Variants in SLC24A2 observed in about 807,000 individuals in gnomAD.
SLC24A2 encodes the protein sodium/potassium/calcium exchanger 2.
Under a neutral mutation model 62.0 loss-of-function variants are expected in SLC24A2, and 36 were observed. The observed-to-expected ratio is 0.58, with a 90% CI of 0.44 to 0.77. The LOEUF is 0.77. SLC24A2 is among the 30% of genes least tolerant of loss of function. SLC24A2 has a pLI of 0.00. For synonymous variants in SLC24A2, 358 were observed against 294.0 expected, an observed-to-expected ratio of 1.22 and a Z score of -2.23; for missense variants, 846 against 817.9, an observed-to-expected ratio of 1.03 and a Z score of -0.42.
chr9:20,285,080 C>G, the SLC24A2 span, among the ~76,000 whole-genome samples: 2 of 152,120 alleles, frequency 1.3e-5, no homozygotes, highest in Non-Finnish European at 2.9e-5. Flanking sequence ...TAGGCCAGAG[C>G]TAGCAGGGTG....
the SLC24A2 span, among the ~76,000 whole-genome samples, chr9:19,925,620 A>G: frequency 1.3e-5 from 2 of 152,210 alleles, no homozygotes; most frequent in Non-Finnish European, 2.9e-5. Context: ...TCTGCAGAAA[A>G]AAAAATTGAC....
rs376363998 is a variant in SLC24A2 at position 19,751,530 on chromosome 9, G to T, written c.930+34407C>A. ...CCCAGGTGATTTTACTGTGCAGCCA[G>T]CCTTGAGAACCACTGATCTCAAGTT... On this transcript the variant is annotated intron_variant, in intron 2 of 10. Transcript: ENST00000341998. Among the ~76,000 whole-genome samples the T allele has an allele frequency of 4.6e-5, 7 of 152,282 alleles. No homozygotes were observed. In the East Asian group the frequency reaches 5.8e-4, roughly 13 times the overall value.
intron 2 of SLC24A2, among the ~76,000 whole-genome samples, chr9:19,707,193 A>G (rs1247492576): frequency 6.6e-6 from 1 of 152,060 alleles, no homozygotes; most frequent in African/African-American, 2.4e-5. Context: ...ACACCCTCCC[A>G]AGACTAAACC....
chr9:19,747,929 T>C (rs1227908827), intron 2 of SLC24A2, among the ~76,000 whole-genome samples: 2 of 152,172 alleles, frequency 1.3e-5, no homozygotes, highest in African/African-American at 4.8e-5. Flanking sequence ...GTTAATAAAC[T>C]GCCAGAGATC....
chr9:19,944,255 A>C, the SLC24A2 span, among the ~76,000 whole-genome samples: 6 of 152,174 alleles, frequency 3.9e-5, no homozygotes, highest in African/African-American at 1.4e-4. Context: ...TCCAGCAAAA[A>C]GTCTTAGTAG....
chr9:19,614,897 A>C (rs1268140290), intron 4 of SLC24A2, among the ~76,000 whole-genome samples: 1 of 151,992 alleles, frequency 6.6e-6, no homozygotes, highest in East Asian at 1.9e-4. Flanking sequence ...CCATCAAATG[A>C]CCTCCAATGA....
At chr9:19,738,745 T>C (rs551110664) in intron 2 of SLC24A2, among the ~76,000 whole-genome samples, 23 of 152,306 alleles carry the variant, frequency 1.5e-4, no homozygotes, top group African/African-American at 5.3e-4. Context: ...AAATTCTCAG[T>C]AAATCAATTA....
chr9:19,546,256 C>T (rs1834560125), intron 8 of SLC24A2, among the ~76,000 whole-genome samples: 1 of 152,226 alleles, frequency 6.6e-6, no homozygotes, highest in Non-Finnish European at 1.5e-5. Context: ...AGCCAGTAGG[C>T]AGGGACGTTT....
chr9:19,847,236 C>A, the SLC24A2 span, among the ~76,000 whole-genome samples: 11,643 of 152,182 alleles, frequency 0.077, 612 homozygotes, highest in East Asian at 0.23. Context: ...AATAAAACTT[C>A]TGTTTATTTG....
chr9:19,670,265 G>T (rs929487598), intron 2 of SLC24A2, among the ~76,000 whole-genome samples: 1 of 152,212 alleles, frequency 6.6e-6, no homozygotes, highest in East Asian at 1.9e-4. Flanking sequence ...CATCTAGCCT[G>T]GGTTATTCCT....
the SLC24A2 span, among the ~76,000 whole-genome samples, chr9:20,236,145 C>A: frequency 2.6e-5 from 4 of 152,200 alleles, no homozygotes; most frequent in African/African-American, 9.7e-5. Flanking sequence ...CAGTCAAGAT[C>A]TGCTTTCTTA....
chr9:20,152,671 CA>C, the SLC24A2 span, among the ~76,000 whole-genome samples: 1 of 151,806 alleles, frequency 6.6e-6, no homozygotes, highest in African/African-American at 2.4e-5. Context: ...CAGCTGTGTC[CA>C]GTTTTGACTA....
At chr9:19,573,098 G>A (rs1258659998) in intron 7 of SLC24A2, among the ~76,000 whole-genome samples, 1 of 152,206 alleles carries the variant, frequency 6.6e-6, no homozygotes, top group Non-Finnish European at 1.5e-5. Flanking sequence ...AGATACTGAT[G>A]CATGAGTCCT....
At chr9:19,805,453 T>A in the SLC24A2 span, among the ~76,000 whole-genome samples, 1 of 152,178 alleles carries the variant, frequency 6.6e-6, no homozygotes, top group Non-Finnish European at 1.5e-5. Context: ...TTACTTCACC[T>A]TATTAAAAAA....
chr9:19,744,559 C>A (rs751629787), intron 2 of SLC24A2, among the ~76,000 whole-genome samples: 2 of 152,142 alleles, frequency 1.3e-5, no homozygotes, highest in African/African-American at 2.4e-5. Flanking sequence ...AAGGGGACAG[C>A]CGCTACTTGG....
At chr9:19,712,711 G>A (rs909572194) in intron 2 of SLC24A2, among the ~76,000 whole-genome samples, 11 of 152,112 alleles carry the variant, frequency 7.2e-5, no homozygotes, top group African/African-American at 2.7e-4. Flanking sequence ...GGCCTGTTGT[G>A]TTTATTTACT....
chr9:19,641,385 TAA>T, intron 2 of SLC24A2, among the ~76,000 whole-genome samples: 1 of 152,376 alleles, frequency 6.6e-6, no homozygotes, highest in South Asian at 2.1e-4. Flanking sequence ...CTAGTGGGCA[TAA>T]TAAACTTAAC....
intron 7 of SLC24A2, among the ~76,000 whole-genome samples, chr9:19,563,602 A>G (rs556628497): frequency 3.7e-4 from 57 of 152,300 alleles, no homozygotes; most frequent in African/African-American, 1.3e-3. Flanking sequence ...TCTTCCAAAG[A>G]GGGTCTAAAA....
At chr9:19,568,152 A>G (rs1315331093) in intron 7 of SLC24A2, among the ~76,000 whole-genome samples, 2 of 152,194 alleles carry the variant, frequency 1.3e-5, no homozygotes, top group Admixed American at 1.3e-4. Flanking sequence ...AACTAACAAA[A>G]TGAAAAGCCA....
Sources: gnomAD v4.1 joint callset for allele counts (sites outside exome capture counted in the v4.1 genomes callset) on GRCh38, gnomAD v4.1.1 for gene constraint, MANE v1.5 for transcripts, NCBI Gene and HGNC (gene_info 2026-07-23, HGNC 2026-07-21) for gene names.